PTPA: variants seen among roughly 807,000 people sequenced by gnomAD.
PTPA encodes the protein serine/threonine-protein phosphatase 2A activator.
A neutral mutation model predicts 43.6 loss-of-function variants in PTPA; 13 were observed. The observed-to-expected ratio is 0.30, with a 90% confidence interval of 0.19 to 0.47. The LOEUF is 0.47. PTPA is among the 20% of genes least tolerant of loss of function. The probability of loss-of-function intolerance (pLI) is 0.99; values close to 1 mark genes in which losing one functional copy is unlikely to be tolerated. For synonymous variants in PTPA, 172 were observed against 158.2 expected, an observed-to-expected ratio of 1.09 and a Z score of -0.66; for missense variants, 329 against 411.9, an observed-to-expected ratio of 0.80 and a Z score of 1.74.
intron 9 of PTPA, among the ~76,000 whole-genome samples, chr9:129,146,819 C>T (rs970698334): frequency 6.6e-6 from 1 of 152,202 alleles, no homozygotes; most frequent in African/African-American, 2.4e-5. Flanking sequence ...CTCAGCCATT[C>T]CCCTGTTCAG....
chr9:129,122,269 AC>A (rs1255078734), intron 2 of PTPA, among the ~76,000 whole-genome samples: 2 of 151,986 alleles, frequency 1.3e-5, no homozygotes, highest in African/African-American at 4.8e-5. Flanking sequence ...CACCTGGCAA[AC>A]TTTTTAATTT....
intron 1 of PTPA, among the ~76,000 whole-genome samples, chr9:129,113,884 G>A (rs1398753359): frequency 6.6e-6 from 1 of 152,150 alleles, no homozygotes; most frequent in Non-Finnish European, 1.5e-5. Flanking sequence ...AGTGGGGGTG[G>A]GGAGTGGGAG....
chr9:129,116,027 A>AT (rs1212433393), intron 1 of PTPA, among the ~76,000 whole-genome samples: 39 of 144,730 alleles, frequency 2.7e-4, no homozygotes, highest in Middle Eastern at 3.8e-3. Flanking sequence ...TGCCCGGCTA[A>AT]TTTTTTTTTT....
chr9:129,147,364 G>T (rs918215689), intron 9 of PTPA, 23 bp from the exon 10 acceptor site: 5 of 1,612,420 alleles, frequency 3.1e-6, no homozygotes, highest in Non-Finnish European at 3.4e-6. Flanking sequence ...TCACCACTCT[G>T]CTCACCTGCT....
chr9:129,112,609 T>G (rs1316708442), intron 1 of PTPA, among the ~76,000 whole-genome samples: 1 of 152,136 alleles, frequency 6.6e-6, no homozygotes, highest in Non-Finnish European at 1.5e-5. Context: ...AAACCAGACA[T>G]TTATTTTGTA....
chr9:129,143,540 G>A, intron 9 of PTPA: 1 of 677,006 alleles, frequency 1.5e-6, no homozygotes, highest in Non-Finnish European at 2.7e-6. Context: ...AAGGGTGCCA[G>A]AGGCCAGCGG....
intron 1 of PTPA, among the ~76,000 whole-genome samples, chr9:129,112,437 A>C (rs1426454476): frequency 6.6e-6 from 1 of 152,168 alleles, no homozygotes; most frequent in Non-Finnish European, 1.5e-5. Flanking sequence ...AAACACAGCT[A>C]ATGTTTTGAA....
chr9:129,142,329 C>T (rs3124514), intron 8 of PTPA, 116 bp from the exon 9 acceptor site: 273,332 of 885,790 alleles, frequency 0.31, 41,198 homozygotes, highest in East Asian at 0.43. Context: ...GCATTGTGTG[C>T]GTGTGCGTTT....
intron 6 of PTPA, among the ~76,000 whole-genome samples, chr9:129,135,978 T>C (rs759031550): frequency 7.5e-6 from 1 of 133,620 alleles, no homozygotes; most frequent in Non-Finnish European, 1.7e-5. Context: ...TATTTGTTTA[T>C]TTTTTTTGAG....
chr9:129,137,853 C>G (rs756702686), intron 8 of PTPA, 161 bp downstream of exon 8: 2 of 695,468 alleles, frequency 2.9e-6, no homozygotes, highest in South Asian at 3.1e-5. Context: ...GGGCCTCTTC[C>G]GAAAGAGCCG....
intron 9 of PTPA, among the ~76,000 whole-genome samples, chr9:129,144,379 C>T (rs1429988672): frequency 6.6e-6 from 1 of 152,040 alleles, no homozygotes; most frequent in Non-Finnish European, 1.5e-5. Flanking sequence ...CTAGTTGAGG[C>T]CGGCGCTGTG....
rs544064756 is a variant in PTPA at position 129,136,448 on chromosome 9, C to A, written c.561-23C>A. ...TGTCTTTTTACTTTTTGCTACCTTC[C>A]CTTTCCCTGTCCTCCTGTGCAGGTA... On this transcript the variant is annotated intron_variant, in intron 6 of 9. Transcript: ENST00000393370. The A allele has an allele frequency of 4.5e-5, 71 of 1,593,966 alleles. 1 individual carries two copies. The highest frequency in any genetic ancestry group is 1.1e-4 in the South Asian group (10 of 88,522).
In PTPA at chr9:129,129,031, T is replaced by C. The variant is rs777161634; in HGVS notation, c.263T>C (p.Ile88Thr). 3.1e-6 allele frequency: 5 copies of C among 1,613,018 alleles called. No individual in the cohort carries two copies. Among genetic ancestry groups the C allele is most frequent in the South Asian group, 1.1e-5 (1 of 91,024 alleles). ...VALLNTLDRW[I>T]DETPPVDQPS... ...CTTCTCAACACGCTGGACAGGTGGA[T>C]TGATGAGACTCCTCCAGTGGACCAG... Residue 88 changes from isoleucine (I) to threonine (T), a missense_variant, in exon 4 of 10, where the codon ATT (isoleucine) becomes ACT (threonine). Physicochemically the swap from Ile to Thr is moderately conservative, Grantham distance 89 (BLOSUM62 -1). Coordinates refer to ENST00000393370, the MANE Select transcript of PTPA (RefSeq NM_178000.3).
At chr9:129,129,961 G>A (rs1436571854) in intron 4 of PTPA, among the ~76,000 whole-genome samples, 1 of 152,150 alleles carries the variant, frequency 6.6e-6, no homozygotes, top group Non-Finnish European at 1.5e-5. Context: ...TTGGGTGGCT[G>A]AAGCAGGAGA....
chr9:129,136,391 C>T (rs1850369265), intron 6 of PTPA, 80 bp from the exon 7 acceptor site: 1 of 1,469,420 alleles, frequency 6.8e-7, no homozygotes, highest in Non-Finnish European at 9.2e-7. Context: ...TTTGGGGTCT[C>T]CTTGTGCTCC....
At chr9:129,131,936 A>C (rs1170361358) in intron 5 of PTPA, among the ~76,000 whole-genome samples, 1 of 152,142 alleles carries the variant, frequency 6.6e-6, no homozygotes, top group Non-Finnish European at 1.5e-5. Flanking sequence ...TGAGCTCCTC[A>C]TCATCACCAA....
At chr9:129,140,230 C>T (rs1243729612) in intron 8 of PTPA, 4 of 152,676 alleles carry the variant, frequency 2.6e-5, no homozygotes, top group Non-Finnish European at 5.9e-5. Context: ...AGCTCGCTCG[C>T]TCATTCTGGT....
At chr9:129,123,256 G>A (rs1039880274) in intron 3 of PTPA, 118 bp downstream of exon 3, 16 of 743,926 alleles carry the variant, frequency 2.2e-5, no homozygotes, top group African/African-American at 1.9e-4. Flanking sequence ...GGCGGCTCAC[G>A]AGGTCAGGAG....
chr9:129,118,839 A>T (rs1849065318), intron 1 of PTPA, among the ~76,000 whole-genome samples: 2 of 150,240 alleles, frequency 1.3e-5, no homozygotes, highest in Non-Finnish European at 3.0e-5. Context: ...TGATGCATTA[A>T]ACACCTTTGT....
Sources: allele counts gnomAD v4.1 joint callset (sites outside exome capture counted in the v4.1 genomes callset), GRCh38; gene constraint gnomAD v4.1.1; transcripts MANE v1.5; gene names NCBI Gene and HGNC (gene_info 2026-07-23, HGNC 2026-07-21).